ZRANB3: variants seen among roughly 807,000 people sequenced by gnomAD.
The protein encoded by ZRANB3 is zinc finger RANBP2-type containing 3, also known as DNA annealing helicase and endonuclease ZRANB3.
Under a neutral mutation model 133.8 loss-of-function variants are expected in ZRANB3, and 125 were observed. That is an observed-to-expected ratio of 0.93 (90% CI 0.81 to 1.08). The LOEUF (loss-of-function observed/expected upper bound fraction) is 1.08, where lower values mean the gene tolerates loss of function less well. ZRANB3 is among the 50% of genes least tolerant of loss of function. The probability of loss-of-function intolerance (pLI) is 0.00; values close to 1 mark genes in which losing one functional copy is unlikely to be tolerated. For synonymous variants in ZRANB3, 387 were observed against 432.7 expected (o/e 0.89, Z 1.31); for missense variants, 1,229 against 1,275.5 (o/e 0.96, Z 0.56).
At chr2:135,370,980 C>T (rs1284889716) in intron 3 of ZRANB3, among the ~76,000 whole-genome samples, 1 of 152,184 alleles carries the variant, frequency 6.6e-6, no homozygotes, top group Admixed American at 6.5e-5. Flanking sequence ...TGAAGAGGTG[C>T]CTTCTGCCAT....
rs1349378347 is a variant in ZRANB3 at position 135,450,258 on chromosome 2, G to A, written c.161+54071C>T. Among the ~76,000 whole-genome samples the A allele has an allele frequency of 5.5e-5, 8 of 144,804 alleles. No homozygotes were observed. The East Asian group carries it at 1.0e-3, about 18-fold the overall frequency. The allele number at this position is 144,804 out of a possible 152,430, so 95.0% of individuals were successfully genotyped here. A position where few individuals can be genotyped will look rare whatever the true frequency, so the allele number is the denominator to read the frequency against. On this transcript the variant is annotated intron_variant, in intron 2 of 20. Coordinates refer to ENST00000264159, the MANE Select transcript of ZRANB3 (RefSeq NM_032143.4). ...TCCAGCCTGGGTGACAGAGCACTCC[G>A]TCTCAAAAAAAATAAACAAATAAAA...
At chr2:135,409,851 A>T (rs2104952652) in intron 2 of ZRANB3, among the ~76,000 whole-genome samples, 1 of 152,324 alleles carries the variant, frequency 6.6e-6, no homozygotes, top group African/African-American at 2.4e-5. Context: ...TGAAAACCAA[A>T]TAAAGACTTC....
At chr2:135,351,265 CTTTTTT>C (rs34205567) in intron 4 of ZRANB3, among the ~76,000 whole-genome samples, 33 of 119,698 alleles carry the variant, frequency 2.8e-4, no homozygotes, top group Non-Finnish European at 5.5e-4. Flanking sequence ...CTATAATTTT[CTTTTTT>C]TTTTTTTTTT....
chr2:135,498,687 T>C (rs531162624), intron 2 of ZRANB3, among the ~76,000 whole-genome samples: 1 of 152,322 alleles, frequency 6.6e-6, no homozygotes, highest in East Asian at 1.9e-4. Context: ...CACTGAATTC[T>C]TTTTCTCAGC....
At chr2:135,374,099 G>C (rs1444300134) in intron 3 of ZRANB3, among the ~76,000 whole-genome samples, 3 of 152,092 alleles carry the variant, frequency 2.0e-5, no homozygotes, top group Non-Finnish European at 4.4e-5. Context: ...AGAAGAAAAT[G>C]GAAGAAACAG....
chr2:135,367,037 A>G (rs1685971436), intron 3 of ZRANB3, among the ~76,000 whole-genome samples: 1 of 152,018 alleles, frequency 6.6e-6, no homozygotes, highest in Admixed American at 6.6e-5. Flanking sequence ...TAATAATAAT[A>G]ATTTTTATAT....
At chr2:135,306,389 G>A (rs1279873801) in intron 8 of ZRANB3, among the ~76,000 whole-genome samples, 7 of 148,630 alleles carry the variant, frequency 4.7e-5, no homozygotes, top group Admixed American at 1.4e-4. Flanking sequence ...CTGGGTTCAC[G>A]CCATTCTCCT....
chr2:135,403,574 T>C (rs1687849477), intron 2 of ZRANB3, among the ~76,000 whole-genome samples: 1 of 152,184 alleles, frequency 6.6e-6, no homozygotes, highest in African/African-American at 2.4e-5. Context: ...CAGACTTAAA[T>C]GTTCTTGTCT....
rs189763276 is a variant in ZRANB3, at chr2:135,232,252, C to T, written c.1540-1325G>A. On this transcript the variant is annotated intron_variant, in intron 12 of 20. Transcript: ENST00000264159. ...TGCAGTGAGGCTGGGGGAGGGGCGC[C>T]TGCCATTGCTGAGGCTTGAGTAGGT... 1.3e-3 allele frequency among the ~76,000 whole-genome samples: 205 copies of T among 152,330 alleles called. 1 individual carries two copies. Among genetic ancestry groups the T allele is most frequent in the African/African-American group, 4.7e-3 (197 of 41,576 alleles).
chr2:135,353,727 G>C, intron 3 of ZRANB3, 99 bp from the exon 4 acceptor site: 2 of 843,630 alleles, frequency 2.4e-6, no homozygotes, highest in Non-Finnish European at 3.2e-6. Context: ...TTAGCTGGGT[G>C]TGATGGCTCA....
At chr2:135,471,691 C>A (rs1042037036) in intron 2 of ZRANB3, among the ~76,000 whole-genome samples, 1 of 152,028 alleles carries the variant, frequency 6.6e-6, no homozygotes, top group African/African-American at 2.4e-5. Flanking sequence ...ACAGGGTTCA[C>A]GAAATGCAGA....
intron 8 of ZRANB3, among the ~76,000 whole-genome samples, chr2:135,288,352 T>C (rs1175732105): frequency 6.6e-6 from 1 of 152,206 alleles, no homozygotes; most frequent in Non-Finnish European, 1.5e-5. Flanking sequence ...TTGTTGAGGA[T>C]TTTTGCATCT....
At chr2:135,287,357 C>A (rs2104789225) in intron 8 of ZRANB3, among the ~76,000 whole-genome samples, 1 of 152,222 alleles carries the variant, frequency 6.6e-6, no homozygotes, top group South Asian at 2.1e-4. Flanking sequence ...TAATGTGATA[C>A]CCCTGGATTT....
At chr2:135,382,088 A>C (rs1686729948) in intron 3 of ZRANB3, among the ~76,000 whole-genome samples, 2 of 152,186 alleles carry the variant, frequency 1.3e-5, no homozygotes, top group East Asian at 1.9e-4. Flanking sequence ...GAACTTAAAA[A>C]CCTTGAAAAA....
chr2:135,449,837 A>G (rs1006307256), intron 2 of ZRANB3, among the ~76,000 whole-genome samples: 3 of 152,144 alleles, frequency 2.0e-5, no homozygotes, highest in Admixed American at 6.5e-5. Context: ...GGGTCATCAC[A>G]GCCTCGAACT....
chr2:135,313,692 T>C, intron 7 of ZRANB3, 87 bp from the exon 8 acceptor site: 1 of 803,778 alleles, frequency 1.2e-6, no homozygotes, highest in South Asian at 2.5e-5. Flanking sequence ...CCTACTTTTT[T>C]TCCTTTTCTC....
chr2:135,507,211 G>A (rs1693226606), intron 1 of ZRANB3, among the ~76,000 whole-genome samples: 5 of 152,160 alleles, frequency 3.3e-5, no homozygotes, highest in Admixed American at 2.0e-4. Flanking sequence ...GCAATTGGCT[G>A]GGATGGTAAG....
intron 17 of ZRANB3, among the ~76,000 whole-genome samples, chr2:135,214,713 T>A (rs547110733): frequency 2.6e-5 from 4 of 152,298 alleles, no homozygotes; most frequent in African/African-American, 9.6e-5. Flanking sequence ...TGTAAGTATG[T>A]GTATATATGT....
At chr2:135,221,577 AT>A (rs1235946610) in intron 15 of ZRANB3, among the ~76,000 whole-genome samples, 2 of 152,158 alleles carry the variant, frequency 1.3e-5, no homozygotes, top group Non-Finnish European at 2.9e-5. Context: ...GGGCTTCTGG[AT>A]TTCTGTGGTA....
Sources: gnomAD v4.1 joint callset for allele counts (sites outside exome capture counted in the v4.1 genomes callset) on GRCh38, gnomAD v4.1.1 for gene constraint, MANE v1.5 for transcripts, NCBI Gene and HGNC (gene_info 2026-07-23, HGNC 2026-07-21) for gene names.